Variants in SLC49A3 observed in about 807,000 individuals in gnomAD.
SLC49A3 encodes the protein solute carrier family 49 member A3.
A neutral mutation model predicts 43.8 loss-of-function variants in SLC49A3; 50 were observed. The observed-to-expected ratio is 1.14, with a 90% CI of 0.91 to 1.45. The LOEUF (loss-of-function observed/expected upper bound fraction) is 1.45. Among genes scored for constraint, SLC49A3 ranks in the 40% most tolerant of loss-of-function variants. The pLI, the probability that SLC49A3 is intolerant of heterozygous loss-of-function variation, is 0.00. For missense variants in SLC49A3, 906 were observed against 774.1 expected, an observed-to-expected ratio of 1.17 and a Z score of -2.02; for synonymous variants, 413 against 352.0, an observed-to-expected ratio of 1.17 and a Z score of -1.94.
chr4:678,123 G>A (rs116184458), downstream of SLC49A3: 1,326 of 1,568,608 alleles, frequency 8.5e-4, 4 homozygotes, highest in African/African-American at 0.011. Flanking sequence ...GGGCGTGTCC[G>A]TGCTTGCGTG....
At chr4:681,492 C>T (rs373123077), downstream of SLC49A3, among the ~76,000 whole-genome samples, 1 of 149,068 alleles carries the variant, frequency 6.7e-6, no homozygotes, top group South Asian at 2.1e-4. Context: ...AATGCCGGGC[C>T]ACCCCTCAGG....
chr4:683,839 A>G, intron 6 of SLC49A3, 78 bp from the exon 7 acceptor site: 1 of 1,471,046 alleles, frequency 6.8e-7, no homozygotes, highest in Non-Finnish European at 9.0e-7. Context: ...CAGGGGGCTC[A>G]GTGTAGGGCC....
At chr4:690,435 T>A (rs1273701180), upstream of SLC49A3, among the ~76,000 whole-genome samples, 1 of 151,852 alleles carries the variant, frequency 6.6e-6, no homozygotes, top group Non-Finnish European at 1.5e-5. Context: ...GTTCTCCTTC[T>A]CCTCACCTCT....
intron 2 of SLC49A3, 51 bp from the exon 3 acceptor site, chr4:686,353 G>C (rs771935856): frequency 6.3e-7 from 1 of 1,591,886 alleles, no homozygotes; most frequent in South Asian, 1.1e-5. Context: ...ACCAGCCCAA[G>C]TGCCTGCCCC....
intron 9 of SLC49A3, 130 bp downstream of exon 9, chr4:682,651 T>A: frequency 2.8e-6 from 2 of 710,946 alleles, no homozygotes; most frequent in Non-Finnish European, 4.4e-6. Context: ...GCCCGGGGAC[T>A]CCCTGCGTGG....
chr4:685,870 C>T lies in SLC49A3; in HGVS notation c.550G>A (p.Val184Met). The T allele has an allele frequency of 6.2e-7, 1 of 1,614,000 alleles. No homozygotes were observed. The highest frequency in any genetic ancestry group is 8.5e-7 in the Non-Finnish European group (1 of 1,180,018). ...ATGTCCTCACCCTTCTTGACCAGCA[C>T]AGGGGACAGCACATTGGCCACAAGG... ...GVLVANVLSP[V>M]LVKKGEDIPL... The change falls in exon 4 of 10, where the codon GTG becomes ATG. Residue 184 changes from valine to methionine, a missense_variant. Transcript: ENST00000322224. This position sits in a 1 kb window ranked among gnomAD's most constrained non-coding sequence, Gnocchi z 4.3.
upstream of SLC49A3, chr4:689,152 G>C: frequency 7.7e-7 from 1 of 1,293,366 alleles, no homozygotes; most frequent in Non-Finnish European, 9.8e-7. Context: ...ACGGGTCTCC[G>C]CCGGTCCCGC....
chr4:683,084 G>A, intron 8 of SLC49A3, 126 bp downstream of exon 8: 1 of 1,332,372 alleles, frequency 7.5e-7, no homozygotes, highest in Non-Finnish European at 1.0e-6. Context: ...CTCGGCCCTT[G>A]CCAGAGCAGG....
rs762973255 is a variant in SLC49A3, at chr4:681,907, C to A, written c.*51G>T. 1.5e-6 allele frequency: 2 copies of A among 1,317,304 alleles called. No individual in the cohort carries two copies. The highest frequency in any genetic ancestry group is 3.0e-5 in the African/African-American group (2 of 66,256). 81.6% of individuals were successfully genotyped at this position (1,317,304 alleles called of 1,614,324 possible). ...CCCGCCCGCAGGTGGACCAGATGTT[C>A]CAGTTCGCCTCCATCGATGTGGCGG... On this transcript the variant is annotated 3_prime_UTR_variant, in exon 10 of 10. Transcript: ENST00000322224.
chr4:680,818 A>G, downstream of SLC49A3: 1 of 629,942 alleles, frequency 1.6e-6, no homozygotes, highest in Non-Finnish European at 2.7e-6. Flanking sequence ...CCCTCAGCCC[A>G]CTCCTCCATC....
downstream of SLC49A3, chr4:679,200 C>T (rs760572948): frequency 1.3e-5 from 10 of 748,996 alleles, no homozygotes; most frequent in Admixed American, 1.0e-4. Context: ...CCCTTGGTTC[C>T]ATCAGAGCTG....
chr4:686,203 C>A lies in SLC49A3; in HGVS notation c.394G>T (p.Gly132Cys), dbSNP rs1577365698. The A allele has an allele frequency of 6.2e-7, 1 of 1,613,572 alleles. No homozygotes were observed. Among genetic ancestry groups the A allele is most frequent in the Non-Finnish European group, 8.5e-7 (1 of 1,180,026 alleles). Residue 132 changes from glycine to cysteine, a missense_variant, in exon 3 of 10, where the codon GGC becomes TGC. Coordinates refer to ENST00000322224, the MANE Select transcript of SLC49A3 (RefSeq NM_032219.4). ...TGGGCAAGGGCACAGAGGCTCTGGC[C>A]ACCCATGAGGAAGGCAAATGGGTTT... ...TQNPFAFLMG[G>C]QSLCALAQSL...
At chr4:679,869 G>A, downstream of SLC49A3, 1 of 1,559,260 alleles carries the variant, frequency 6.4e-7, no homozygotes, top group South Asian at 1.1e-5. Flanking sequence ...GTGGCACAGG[G>A]CAGGCAACAA....
chr4:679,925 G>A (rs552131207), downstream of SLC49A3: 85 of 1,613,686 alleles, frequency 5.3e-5, no homozygotes, highest in East Asian at 5.1e-4. Context: ...CAAGACCAAC[G>A]TCAAGGACGA....
Position 684,846 on chromosome 4 carries a change from T to A in SLC49A3, c.596A>T (p.Tyr199Phe), listed in dbSNP as rs774004954. The A allele has an allele frequency of 6.2e-7, 1 of 1,611,998 alleles. No individual in the cohort carries two copies. The highest frequency in any genetic ancestry group is 1.1e-5 in the South Asian group (1 of 91,050). ...GCAGACGACGCCAGCAGGGATGGTA[T>A]AGACACCGAGCTGGGGAGGGGTGTG... ...GEDIPLMLGV[Y>F]TIPAGVVCLL... The change falls in exon 5 of 10, where the codon TAT becomes TTT. Residue 199 changes from tyrosine to phenylalanine, a missense_variant. Physicochemically the swap from Tyr to Phe is conservative, Grantham distance 22 (BLOSUM62 3). Coordinates refer to ENST00000322224, the MANE Select transcript of SLC49A3 (RefSeq NM_032219.4).
rs367635596 is a variant in SLC49A3 at position 686,674 on chromosome 4, G to A, written c.152C>T (p.Ala51Val). ...CSNATLWLSF[A>V]PVADVIAEDL... ...CTCAGCAATGACGTCAGCCACAGGT[G>A]CAAAGCTGAGCCACAGCTGCAGGGG... Residue 51 changes from alanine to valine, a missense_variant, in exon 2 of 10, where the codon GCA (alanine) becomes GTA (valine). Ala to Val is a moderately conservative substitution (Grantham distance 64, BLOSUM62 0). Coordinates refer to ENST00000322224, the MANE Select transcript of SLC49A3 (RefSeq NM_032219.4). 7 of 1,612,742 alleles carry A rather than the reference G, an allele frequency of 4.3e-6. No homozygotes were observed. Among genetic ancestry groups the A allele is most frequent in the African/African-American group, 1.3e-5 (1 of 74,940 alleles).
chr4:682,027 G>A lies in SLC49A3; in HGVS notation c.1611C>T (p.Val537=), dbSNP rs769741436. ...PSRPGRLAGR[V]QASRFIDPAG... ...CCGGGTCAATAAACCTGGACGCTTG[G>A]ACCCTGCCTGCGAGTCTGCCGGGGC... The change falls in exon 10 of 10, where the codon GTC becomes GTT. Residue 537 remains valine, a synonymous_variant. Coordinates refer to ENST00000322224, the MANE Select transcript of SLC49A3 (RefSeq NM_032219.4). The A allele has an allele frequency of 4.2e-6, 6 of 1,431,628 alleles. No individual in the cohort carries two copies. The African/African-American group carries it at 4.4e-5, about 11-fold the overall frequency. The allele number at this position is 1,431,628 out of a possible 1,614,324, so 88.7% of individuals were successfully genotyped here.
At chr4:687,671 G>A (rs956235722) in intron 1 of SLC49A3, among the ~76,000 whole-genome samples, 1 of 152,222 alleles carries the variant, frequency 6.6e-6, no homozygotes, top group Non-Finnish European at 1.5e-5. Flanking sequence ...AACGTGGGAG[G>A]ACGATCTGTC....
intron 1 of SLC49A3, among the ~76,000 whole-genome samples, chr4:688,599 G>A (rs978943620): frequency 1.3e-5 from 2 of 152,220 alleles, no homozygotes; most frequent in African/African-American, 4.8e-5. Flanking sequence ...CTCAGAGTCA[G>A]GTGGAGGGGA....
Sources: gnomAD v4.1 joint callset for allele counts (sites outside exome capture counted in the v4.1 genomes callset) on GRCh38, gnomAD v4.1.1 for gene constraint, Gnocchi (gnomAD v3.1) non-coding constraint, MANE v1.5 for transcripts, NCBI Gene and HGNC (gene_info 2026-07-23, HGNC 2026-07-21) for gene names.